Variants in PRKN observed in about 807,000 individuals in gnomAD.
PRKN encodes the protein parkin RBR E3 ubiquitin protein ligase.
Under a neutral mutation model 59.5 loss-of-function variants are expected in PRKN, and 56 were observed. That is an observed-to-expected ratio of 0.94 (90% CI 0.76 to 1.18). The LOEUF is 1.18. Ranked by LOEUF, PRKN falls within the 50% of genes most tolerant of loss-of-function variation. The pLI is 0.00. For missense variants in PRKN, 657 were observed against 596.4 expected (o/e 1.10, Z -1.06); for synonymous variants, 250 against 222.1 (o/e 1.13, Z -1.12).
intron 4 of PRKN, among the ~76,000 whole-genome samples, chr6:162,153,772 C>T (rs1782378856): frequency 6.6e-6 from 1 of 152,138 alleles, no homozygotes; most frequent in South Asian, 2.1e-4. Flanking sequence ...CAGGTTGCCT[C>T]TCTATGACAT....
chr6:161,438,215 A>ATTTTTTTTTTTTT (rs34955373), intron 9 of PRKN, among the ~76,000 whole-genome samples: 2 of 112,440 alleles, frequency 1.8e-5, no homozygotes, highest in Non-Finnish European at 3.4e-5. Context: ...AATTCTGTTA[A>ATTTTTTTTTTTTT]TTTTTTTTTT....
rs555250306 is a variant in PRKN at position 162,207,475 on chromosome 6, T to C, written c.413-6223A>G. On this transcript the variant is annotated intron_variant, in intron 3 of 11. Coordinates refer to ENST00000366898, the MANE Select transcript of PRKN (RefSeq NM_004562.3). ...GGGCAGGTCAAACACGGAGGCTTCA[T>C]TATCTCACTAGAAATCTCCCTCTAG... Among the ~76,000 whole-genome samples, 47 of 152,270 alleles carry C rather than the reference T, an allele frequency of 3.1e-4. 2 individuals carry two copies. The South Asian group carries it at 8.9e-3, about 29-fold the overall frequency.
At position 162,188,882 on chromosome 6, in the gene PRKN, A is replaced by G. The variant is rs114851267; in HGVS notation, c.534+12249T>C. Among the ~76,000 whole-genome samples, 666 of 152,244 alleles carry G rather than the reference A, an allele frequency of 4.4e-3. 7 individuals carry two copies. Among genetic ancestry groups the G allele is most frequent in the African/African-American group, 0.015 (631 of 41,554 alleles). The stretch of plus-strand genomic sequence containing the variant: ...TTTAACAATGAAAACAGTTTTGTGA[A>G]AAGCAATGATTATTCCTTTACTCAA... On this transcript the variant is annotated intron_variant, in intron 4 of 11. Transcript: ENST00000366898.
intron 7 of PRKN, among the ~76,000 whole-genome samples, chr6:161,585,974 C>G (rs1781508121): frequency 6.6e-6 from 1 of 152,066 alleles, no homozygotes; most frequent in Non-Finnish European, 1.5e-5. Context: ...GGAAGAATTT[C>G]TTTAATTGTT....
intron 3 of PRKN, among the ~76,000 whole-genome samples, chr6:162,204,191 A>G (rs916494064): frequency 6.6e-6 from 1 of 152,180 alleles, no homozygotes; most frequent in Non-Finnish European, 1.5e-5. Flanking sequence ...TAGACTAATC[A>G]GGTATATTTT....
rs1394932994 is a variant in PRKN at position 161,446,534 on chromosome 6, G to C, written c.1084-59657C>G. On this transcript the variant is annotated intron_variant, in intron 9 of 11. Coordinates refer to ENST00000366898, the MANE Select transcript of PRKN (RefSeq NM_004562.3). The surrounding 1 kb of genome is among the most constrained non-coding windows in gnomAD (Gnocchi z 6.2). ...GAAGCATAAAAGGAGTAGGATGTTT[G>C]TGATGGCTGAGCGTCATGGAGGAAT... Among the ~76,000 whole-genome samples the C allele has an allele frequency of 6.6e-6, 1 of 152,198 alleles. No homozygotes were observed. The highest frequency in any genetic ancestry group is 2.4e-5 in the African/African-American group (1 of 41,462).
At chr6:162,578,297 AAATGTATTAAATAT>A (rs1229998690) in intron 1 of PRKN, among the ~76,000 whole-genome samples, 7 of 152,188 alleles carry the variant, frequency 4.6e-5, no homozygotes, top group Admixed American at 4.6e-4. Flanking sequence ...TATGAAAATT[AAATGTATTAAATAT>A]AATGTATTAA....
chr6:162,188,228 CT>C (rs1333842260), intron 4 of PRKN, among the ~76,000 whole-genome samples: 1 of 152,098 alleles, frequency 6.6e-6, no homozygotes, highest in East Asian at 1.9e-4. Flanking sequence ...TCGGGTATGT[CT>C]TTATCAGCAG....
At chr6:162,317,066 A>T (rs1005884343) in intron 2 of PRKN, among the ~76,000 whole-genome samples, 1 of 151,698 alleles carries the variant, frequency 6.6e-6, no homozygotes, top group African/African-American at 2.4e-5. Flanking sequence ...ATTCACATAT[A>T]TTCTCTAAAT....
At chr6:161,988,839 T>C (rs982351481) in intron 5 of PRKN, among the ~76,000 whole-genome samples, 1 of 152,126 alleles carries the variant, frequency 6.6e-6, no homozygotes, top group Non-Finnish European at 1.5e-5. Context: ...ATTGACTGCC[T>C]GATTATTATA....
rs1781450725 is a variant in PRKN at position 161,584,413 on chromosome 6, T to C, written c.872-14997A>G. ...AAACATAATATAAAAAGCACAAAAA[T>C]CTATTTTGTAAGATTAGTTAATTTA... On this transcript the variant is annotated intron_variant, in intron 7 of 11. Transcript: ENST00000366898. This position sits in a 1 kb window ranked among gnomAD's most constrained non-coding sequence, Gnocchi z 4.8. Among the ~76,000 whole-genome samples, 1 of 152,190 alleles carries C rather than the reference T, an allele frequency of 6.6e-6. No individual in the cohort carries two copies. The highest frequency in any genetic ancestry group is 6.5e-5 in the Admixed American group (1 of 15,274).
At chr6:162,251,274 G>A (rs1488110452) in intron 3 of PRKN, among the ~76,000 whole-genome samples, 1 of 152,134 alleles carries the variant, frequency 6.6e-6, no homozygotes, top group African/African-American at 2.4e-5. Context: ...AGAGTGGGAG[G>A]ATCAGGAGAC....
At chr6:161,706,420 A>G (rs1786497396) in intron 7 of PRKN, among the ~76,000 whole-genome samples, 1 of 152,096 alleles carries the variant, frequency 6.6e-6, no homozygotes, top group Non-Finnish European at 1.5e-5. Context: ...CGCCTCTCAA[A>G]ATGCATCTCG....
intron 9 of PRKN, among the ~76,000 whole-genome samples, chr6:161,465,353 C>T (rs1434520488): frequency 6.6e-6 from 1 of 152,132 alleles, no homozygotes; most frequent in Non-Finnish European, 1.5e-5. Context: ...TCGTACAGAT[C>T]TGGGCTTCAC....
chr6:161,463,805 C>T lies in PRKN; in HGVS notation c.1084-76928G>A, dbSNP rs1790322812. ...CTTTATCTAGTGATCACTTTTCCAACATTTCCATCCAAATTTTGGAAGCAC... is the reference window on the plus strand; with the variant it reads ...CTTTATCTAGTGATCACTTTTCCAATATTTCCATCCAAATTTTGGAAGCAC... On this transcript the variant is annotated intron_variant, in intron 9 of 11. Transcript: ENST00000366898. This position sits in a 1 kb window ranked among gnomAD's most constrained non-coding sequence, Gnocchi z 4.8. Among the ~76,000 whole-genome samples, 1 of 152,300 alleles carries T rather than the reference C, an allele frequency of 6.6e-6. No homozygotes were observed. The highest frequency in any genetic ancestry group is 6.5e-5 in the Admixed American group (1 of 15,308).
chr6:162,227,881 AG>A (rs1358419599), intron 3 of PRKN, among the ~76,000 whole-genome samples: 16 of 152,128 alleles, frequency 1.1e-4, no homozygotes, highest in African/African-American at 3.9e-4. Flanking sequence ...ATTTGGGGGA[AG>A]TCCAAAAAGA....
At chr6:162,164,448 G>A (rs1782893616) in intron 4 of PRKN, among the ~76,000 whole-genome samples, 1 of 148,516 alleles carries the variant, frequency 6.7e-6, no homozygotes, top group Non-Finnish European at 1.5e-5. Context: ...CCGACCTCAG[G>A]CAAACCTCCC....
chr6:162,511,819 T>C (rs1177687844), intron 1 of PRKN, among the ~76,000 whole-genome samples: 3 of 152,314 alleles, frequency 2.0e-5, no homozygotes, highest in South Asian at 2.1e-4. Flanking sequence ...GACACAATTC[T>C]AGTGAGCACT....
chr6:162,304,359 G>A lies in PRKN; in HGVS notation c.172-41594C>T, dbSNP rs554413083. Reference sequence around the variant, plus strand: ...CCCTCTTTGTTAATGACCACTGCTGGCCTAAAAATGTTACCTTTATTTTAA... The same window carrying A: ...CCCTCTTTGTTAATGACCACTGCTGACCTAAAAATGTTACCTTTATTTTAA... On this transcript the variant is annotated intron_variant, in intron 2 of 11. Transcript: ENST00000366898. Among the ~76,000 whole-genome samples the A allele has an allele frequency of 3.3e-5, 5 of 150,792 alleles. No homozygotes were observed. The East Asian group carries it at 9.7e-4, about 29-fold the overall frequency.
Sources: gnomAD v4.1 joint callset for allele counts (sites outside exome capture counted in the v4.1 genomes callset) on GRCh38, gnomAD v4.1.1 for gene constraint, Gnocchi (gnomAD v3.1) non-coding constraint, MANE v1.5 for transcripts, NCBI Gene and HGNC (gene_info 2026-07-23, HGNC 2026-07-21) for gene names.